The following DCLK2 variants were observed in gnomAD, a reference collection of about 807,000 sequenced individuals.
DCLK2 encodes the protein doublecortin like kinase 2, also known as serine/threonine-protein kinase DCLK2.
Under a neutral mutation model 78.4 loss-of-function variants are expected in DCLK2, and 31 were observed. The ratio of observed to expected loss-of-function variants is 0.40; its 90% confidence interval spans 0.30 to 0.53. DCLK2 has a LOEUF of 0.53. Among genes scored for constraint, DCLK2 ranks in the 20% least tolerant of loss-of-function variants. The pLI is 0.61. For missense variants in DCLK2, 872 were observed against 973.7 expected, an observed-to-expected ratio of 0.90 and a Z score of 1.39; for synonymous variants, 407 against 374.9, an observed-to-expected ratio of 1.09 and a Z score of -0.99.
intron 2 of DCLK2, among the ~76,000 whole-genome samples, chr4:150,153,456 A>C: frequency 6.6e-6 from 1 of 151,966 alleles, no homozygotes; most frequent in South Asian, 2.1e-4. Context: ...TCTGTCATCT[A>C]GGCCGGAGTG....
Position 150,079,279 on chromosome 4 carries a change from C to T in DCLK2, c.252C>T (p.Phe84=), listed in dbSNP as rs56388384. The T allele has an allele frequency of 9.9e-3, 15,792 of 1,601,818 alleles. 902 individuals are homozygous for T. The African/African-American group carries it at 0.15, about 15-fold the overall frequency. Reference sequence around the variant, plus strand: ...TCTACCGGAACGGGGACCGCTACTTCAAGGGCCTGGTGTTTGCCATCTCCA... The same window carrying T: ...TCTACCGGAACGGGGACCGCTACTTTAAGGGCCTGGTGTTTGCCATCTCCA... The part of the protein sequence containing the change: ...ARFYRNGDRY[F]KGLVFAISSD... The change falls in exon 1 of 16, where the codon TTC becomes TTT. Residue 84 remains phenylalanine (F), a synonymous_variant. Coordinates refer to ENST00000296550, the MANE Select transcript of DCLK2 (RefSeq NM_001040260.4).
intron 1 of DCLK2, among the ~76,000 whole-genome samples, chr4:150,089,506 G>T (rs965000053): frequency 5.3e-5 from 8 of 152,186 alleles, no homozygotes; most frequent in Non-Finnish European, 7.3e-5. Flanking sequence ...AGGTTTCTCT[G>T]TCTCAGTATC....
At position 150,079,261 on chromosome 4, in the gene DCLK2, G is replaced by T; in HGVS notation, c.234G>T (p.Arg78=). 1 of 1,606,030 alleles carries T rather than the reference G, an allele frequency of 6.2e-7. No individual in the cohort carries two copies. Among genetic ancestry groups the T allele is most frequent in the Non-Finnish European group, 8.5e-7 (1 of 1,176,548 alleles). The stretch of plus-strand genomic sequence containing the variant: ...AGGCCAAGAAGGCGCGCTTCTACCG[G>T]AACGGGGACCGCTACTTCAAGGGCC... ...EKKAKKARFY[R]NGDRYFKGLV... Residue 78 remains arginine (R), a synonymous_variant, in exon 1 of 16, where the codon CGG becomes CGT. Coordinates refer to ENST00000296550, the MANE Select transcript of DCLK2 (RefSeq NM_001040260.4).
chr4:150,253,649 T>A, intron 15 of DCLK2: 3 of 1,268,140 alleles, frequency 2.4e-6, no homozygotes, highest in Non-Finnish European at 3.1e-6. Context: ...GCCGTCCGGC[T>A]CTCAGCTGCT....
intron 12 of DCLK2, among the ~76,000 whole-genome samples, chr4:150,242,341 GT>G (rs777901595): frequency 3.3e-5 from 5 of 152,190 alleles, no homozygotes; most frequent in Admixed American, 6.5e-5. Flanking sequence ...TATTAGTGGA[GT>G]TTTTGTAGGT....
intron 5 of DCLK2, among the ~76,000 whole-genome samples, chr4:150,204,303 A>G (rs1472212993): frequency 6.6e-6 from 1 of 152,216 alleles, no homozygotes; most frequent in African/African-American, 2.4e-5. Context: ...AAAAGCCTAA[A>G]ATGAAGTGAA....
At chr4:150,142,985 G>C (rs1441470133) in intron 2 of DCLK2, among the ~76,000 whole-genome samples, 1 of 151,990 alleles carries the variant, frequency 6.6e-6, no homozygotes, top group African/African-American at 2.4e-5. Context: ...CTTTATGTCT[G>C]TGTGTACCTA....
intron 5 of DCLK2, among the ~76,000 whole-genome samples, chr4:150,210,830 C>T (rs1740244665): frequency 6.8e-6 from 1 of 147,852 alleles, no homozygotes; most frequent in Non-Finnish European, 1.5e-5. Context: ...TGCCCATAGT[C>T]CCAGCTACCT....
intron 1 of DCLK2, among the ~76,000 whole-genome samples, chr4:150,097,835 G>T (rs966833800): frequency 6.6e-6 from 1 of 152,138 alleles, no homozygotes; most frequent in African/African-American, 2.4e-5. Context: ...TTTGCAAAAT[G>T]ATTTCCCCTA....
chr4:150,157,167 G>GTTTTTTT (rs34730849), intron 2 of DCLK2, among the ~76,000 whole-genome samples: 1 of 137,216 alleles, frequency 7.3e-6, no homozygotes. Context: ...TTTCTCACCT[G>GTTTTTTT]TTTTTTTTTT....
chr4:150,098,698 C>CTTTTTT (rs59616581), intron 1 of DCLK2, among the ~76,000 whole-genome samples: 3 of 129,106 alleles, frequency 2.3e-5, no homozygotes, highest in African/African-American at 2.9e-5. Flanking sequence ...TTTTCTTTTT[C>CTTTTTT]TTTTTTTTTT....
chr4:150,235,430 C>A (rs1029633704), intron 10 of DCLK2, among the ~76,000 whole-genome samples: 13 of 152,120 alleles, frequency 8.5e-5, no homozygotes, highest in African/African-American at 2.9e-4. Flanking sequence ...TCTCAGAATG[C>A]AATCAGGAAA....
intron 12 of DCLK2, among the ~76,000 whole-genome samples, chr4:150,242,034 C>G: frequency 6.6e-6 from 1 of 152,282 alleles, no homozygotes; most frequent in African/African-American, 2.4e-5. Context: ...TCTTTTCCAT[C>G]CAACATTTTA....
At chr4:150,126,755 G>T (rs1450121302) in intron 2 of DCLK2, among the ~76,000 whole-genome samples, 1 of 152,136 alleles carries the variant, frequency 6.6e-6, no homozygotes, top group Non-Finnish European at 1.5e-5. Flanking sequence ...TTTAAAACAG[G>T]AAATCAACAG....
chr4:150,190,969 A>AT, intron 2 of DCLK2, among the ~76,000 whole-genome samples: 1 of 152,026 alleles, frequency 6.6e-6, no homozygotes, highest in Non-Finnish European at 1.5e-5. Context: ...AAATAAATAA[A>AT]TTAAGATTTA....
intron 2 of DCLK2, 97 bp from the exon 3 acceptor site, chr4:150,193,041 A>G: frequency 1.4e-6 from 1 of 735,404 alleles, no homozygotes; most frequent in Non-Finnish European, 2.3e-6. Flanking sequence ...TTCCACTTCA[A>G]TACTTAAAAT....
intron 2 of DCLK2, among the ~76,000 whole-genome samples, chr4:150,140,188 A>G (rs936806113): frequency 2.0e-5 from 3 of 152,266 alleles, no homozygotes; most frequent in African/African-American, 4.8e-5. Context: ...AAGTAACTTG[A>G]AAGTCTAAAA....
intron 2 of DCLK2, among the ~76,000 whole-genome samples, chr4:150,136,373 A>G (rs1733683230): frequency 6.6e-6 from 1 of 152,210 alleles, no homozygotes; most frequent in African/African-American, 2.4e-5. Context: ...CCTGACCATC[A>G]CTGTGATCTG....
Position 150,099,292 on chromosome 4 carries a change from C to G in DCLK2, c.422-3186C>G, listed in dbSNP as rs564917699. On this transcript the variant is annotated intron_variant, in intron 1 of 15. Transcript: ENST00000296550. ...CAGGCTGAGCTTGAACTCCTGGGCA[C>G]AAGGGATCCTCCCTCTTCGGCCTCC... Among the ~76,000 whole-genome samples, 13 of 152,240 alleles carry G rather than the reference C, an allele frequency of 8.5e-5. No homozygotes were observed. In the South Asian group the frequency reaches 2.7e-3, roughly 32 times the overall value.
Sources: gnomAD v4.1 joint callset for allele counts (sites outside exome capture counted in the v4.1 genomes callset) on GRCh38, gnomAD v4.1.1 for gene constraint, MANE v1.5 for transcripts, NCBI Gene and HGNC (gene_info 2026-07-23, HGNC 2026-07-21) for gene names.